The following PALS1 variants were observed in gnomAD, a reference collection of about 807,000 sequenced individuals.
PALS1 encodes protein associated with LIN7 1, MAGUK p55 family member.
PALS1 carries 31 observed loss-of-function variants against 78.9 expected under a neutral mutation model. That is an observed-to-expected ratio of 0.39 (90% CI 0.30 to 0.53). The LOEUF is 0.53. PALS1 is among the 20% of genes least tolerant of loss of function. PALS1 has a pLI of 0.67. For synonymous variants in PALS1, 276 were observed against 270.9 expected (o/e 1.02, Z -0.18); for missense variants, 704 against 826.5 (o/e 0.85, Z 1.82).
intron 1 of PALS1, among the ~76,000 whole-genome samples, chr14:67,258,773 A>T (rs1271261746): frequency 6.6e-6 from 1 of 151,992 alleles, no homozygotes; most frequent in East Asian, 1.9e-4. Flanking sequence ...AATAGTTCTT[A>T]ATAAGTTATT....
At chr14:67,313,189 T>A (rs1024645623) in intron 9 of PALS1, among the ~76,000 whole-genome samples, 1 of 152,178 alleles carries the variant, frequency 6.6e-6, no homozygotes, top group Non-Finnish European at 1.5e-5. Flanking sequence ...TAACTTAGAC[T>A]AAACTAAAAC....
chr14:67,293,989 C>T (rs1241818036), intron 4 of PALS1, among the ~76,000 whole-genome samples: 2 of 152,076 alleles, frequency 1.3e-5, no homozygotes, highest in African/African-American at 4.8e-5. Context: ...AACAACTTAG[C>T]TTAAAGGGTT....
In PALS1 at chr14:67,319,057, C is replaced by CAA. The variant is rs367594842; in HGVS notation, c.1370-1159_1370-1158dup. On this transcript the variant is annotated intron_variant, in intron 11 of 14. Transcript: ENST00000261681. ...TGGGCGACAGAGCGAGACTCCGTCT[C>CAA]AAAAAAAAAAAAAAAGTTTAGATAT... Among the ~76,000 whole-genome samples, 59 of 114,062 alleles carry CAA rather than the reference C, an allele frequency of 5.2e-4. No homozygotes were observed. In the South Asian group the frequency reaches 6.3e-3, roughly 12 times the overall value. The allele number at this position is 114,062 out of a possible 152,430, so 74.8% of individuals were successfully genotyped here.
intron 14 of PALS1, among the ~76,000 whole-genome samples, chr14:67,324,093 C>T (rs1006695433): frequency 7.2e-5 from 11 of 152,204 alleles, no homozygotes; most frequent in African/African-American, 2.4e-5. Flanking sequence ...TCAGCCAACT[C>T]TTCAGGATTA....
At chr14:67,271,590 A>G (rs2084407656) in intron 2 of PALS1, 1 of 152,260 alleles carries the variant, frequency 6.6e-6, no homozygotes, top group South Asian at 2.1e-4. Context: ...GTAGGCAAAG[A>G]TCAGATCCTA....
rs139022197 is a variant in PALS1, at chr14:67,292,506, A to T, written c.368-5A>T. ...ATTTTTGGATACCTTTTCTTCTTCT[A>T]CTAGAAATAGAAGACTTGTTTTCTT... On this transcript the variant is annotated splice_region_variant and splice_polypyrimidine_tract_variant and intron_variant, in intron 3 of 14. Transcript: ENST00000261681. 1.3e-6 allele frequency: 2 copies of T among 1,587,510 alleles called. No homozygotes were observed. Among genetic ancestry groups the T allele is most frequent in the Non-Finnish European group, 1.7e-6 (2 of 1,157,552 alleles).
intron 7 of PALS1, among the ~76,000 whole-genome samples, chr14:67,303,068 T>TAAAGTAAAAATTAAA: frequency 6.6e-6 from 1 of 152,354 alleles, no homozygotes; most frequent in African/African-American, 2.4e-5. Flanking sequence ...TTCAGTTCCT[T>TAAAGTAAAAATTAAA]ATTCGCACTA....
intron 13 of PALS1, among the ~76,000 whole-genome samples, chr14:67,321,602 T>C (rs2085266075): frequency 6.6e-6 from 1 of 152,216 alleles, no homozygotes; most frequent in African/African-American, 2.4e-5. Flanking sequence ...TAAATTCATT[T>C]ATCTTTTATA....
chr14:67,310,158 A>G (rs2085067705), intron 8 of PALS1, among the ~76,000 whole-genome samples: 2 of 152,046 alleles, frequency 1.3e-5, no homozygotes, highest in Admixed American at 6.6e-5. Flanking sequence ...TTTTTGCTCA[A>G]TCTCTTAACT....
chr14:67,310,575 A>G (rs2085073550), intron 8 of PALS1, among the ~76,000 whole-genome samples: 1 of 152,210 alleles, frequency 6.6e-6, no homozygotes, highest in African/African-American at 2.4e-5. Flanking sequence ...TCACTATGCT[A>G]TACACTTATG....
chr14:67,301,454 T>G lies in PALS1; in HGVS notation c.642T>G (p.Thr214=). Residue 214 remains threonine, a synonymous_variant, in exon 5 of 15, where the codon ACT becomes ACG. Coordinates refer to ENST00000261681, the MANE Select transcript of PALS1 (RefSeq NM_022474.4). ...AAGAACTAACTGCTTTGCTGAATACTCCACATATTCAGGTAGAAAATGGAC... is the reference window on the plus strand; with the variant it reads ...AAGAACTAACTGCTTTGCTGAATACGCCACATATTCAGGTAGAAAATGGAC... The part of the protein sequence containing the change: ...EGQELTALLN[T]PHIQALLLAH... The G allele has an allele frequency of 6.2e-7, 1 of 1,607,986 alleles. No individual in the cohort carries two copies. Among genetic ancestry groups the G allele is most frequent in the Non-Finnish European group, 8.5e-7 (1 of 1,175,736 alleles).
chr14:67,301,880 A>G, intron 5 of PALS1, 92 bp from the exon 6 acceptor site: 1 of 1,319,368 alleles, frequency 7.6e-7, no homozygotes, highest in East Asian at 2.5e-5. Flanking sequence ...TTAAAGATTT[A>G]ATGGTCAGAA....
intron 3 of PALS1, 47 bp downstream of exon 3, chr14:67,279,584 TCTGTG>T (rs761743555): frequency 2.7e-6 from 4 of 1,482,714 alleles, no homozygotes; most frequent in Non-Finnish European, 3.6e-6. Context: ...CTTTAATTTA[TCTGTG>T]CCTTATAATG....
At chr14:67,257,445 G>A (rs961877820) in intron 1 of PALS1, among the ~76,000 whole-genome samples, 12 of 152,064 alleles carry the variant, frequency 7.9e-5, no homozygotes, top group Non-Finnish European at 1.5e-5. Context: ...ACTTTTCCTT[G>A]GCTTAGTGGT....
chr14:67,302,872 G>C (rs117848594), intron 7 of PALS1, among the ~76,000 whole-genome samples: 2,690 of 152,124 alleles, frequency 0.018, 44 homozygotes, highest in Non-Finnish European at 0.03. Context: ...TAGCCACTTG[G>C]GAAACAGTAA....
intron 3 of PALS1, among the ~76,000 whole-genome samples, chr14:67,288,904 C>T (rs780258318): frequency 7.3e-5 from 11 of 151,328 alleles, no homozygotes; most frequent in Admixed American, 4.6e-4. Context: ...TACTGATGAA[C>T]GCACATATAT....
chr14:67,248,677 A>G (rs1393665468), intron 1 of PALS1, among the ~76,000 whole-genome samples: 2 of 152,098 alleles, frequency 1.3e-5, no homozygotes, highest in African/African-American at 4.8e-5. Context: ...CGTGGGCCAT[A>G]TTGTCTCTGT....
chr14:67,270,587 CT>C (rs151185607), intron 2 of PALS1: 1,650 of 139,568 alleles, frequency 0.012, 28 homozygotes, highest in East Asian at 0.06. Context: ...TGTCAAAGGA[CT>C]TTTTTTTTTT....
At chr14:67,284,610 A>G (rs144524901) in intron 3 of PALS1, among the ~76,000 whole-genome samples, 125 of 146,910 alleles carry the variant, frequency 8.5e-4, no homozygotes, top group African/African-American at 2.8e-3. Flanking sequence ...CATCACTACT[A>G]TATAATTCCA....
Sources: allele counts gnomAD v4.1 joint callset (sites outside exome capture counted in the v4.1 genomes callset), GRCh38; gene constraint gnomAD v4.1.1; transcripts MANE v1.5; gene names NCBI Gene and HGNC (gene_info 2026-07-23, HGNC 2026-07-21).